The following ZNF131 variants were observed in gnomAD, a reference collection of about 807,000 sequenced individuals.
ZNF131 encodes zinc finger and BTB domain containing 35, also known as zinc finger protein 131.
In ZNF131, 7 loss-of-function variants were observed where a neutral mutation model predicts 60.0. That is an observed-to-expected ratio of 0.12 (90% CI 0.07 to 0.22). The LOEUF (loss-of-function observed/expected upper bound fraction) is 0.22. Among genes scored for constraint, ZNF131 ranks in the 10% least tolerant of loss-of-function variants. ZNF131 has a pLI of 1.00. For synonymous variants in ZNF131, 257 were observed against 253.2 expected, an observed-to-expected ratio of 1.01 and a Z score of -0.14; for missense variants, 493 against 740.9, an observed-to-expected ratio of 0.67 and a Z score of 3.88.
intron 5 of ZNF131, among the ~76,000 whole-genome samples, chr5:43,171,487 A>C (rs765885750): frequency 2.0e-5 from 3 of 152,128 alleles, no homozygotes; most frequent in Non-Finnish European, 4.4e-5. Flanking sequence ...AGTCTCACTA[A>C]CATGGTGAAA....
chr5:43,140,532 T>C (rs1746682980), intron 4 of ZNF131, among the ~76,000 whole-genome samples: 1 of 152,212 alleles, frequency 6.6e-6, no homozygotes, highest in Admixed American at 6.5e-5. Context: ...CTCTGAGTAC[T>C]CTAAGTATGA....
At chr5:43,129,432 G>C (rs893476675) in intron 3 of ZNF131, among the ~76,000 whole-genome samples, 1 of 151,866 alleles carries the variant, frequency 6.6e-6, no homozygotes, top group Non-Finnish European at 1.5e-5. Context: ...CAGGGAGCTA[G>C]GTCCACAATT....
In ZNF131 at chr5:43,173,511, G is replaced by A. The variant is rs1404919086; in HGVS notation, c.1185+63G>A. ...AGTCTTGTGTTTGCAGTCATCAAAA[G>A]CAAAGGGAAACAGAGTCTCAAGCAA... On this transcript the variant is annotated intron_variant, in intron 6 of 6. Transcript: ENST00000682664. The A allele has an allele frequency of 1.9e-6, 3 of 1,554,130 alleles. No homozygotes were observed. The Admixed American group carries it at 5.3e-5, about 28-fold the overall frequency.
chr5:43,138,399 A>G (rs1403807741), intron 3 of ZNF131, among the ~76,000 whole-genome samples: 1 of 152,202 alleles, frequency 6.6e-6, no homozygotes, highest in Non-Finnish European at 1.5e-5. Flanking sequence ...CACGCCTGTA[A>G]TCCCAGCACT....
At chr5:43,152,246 G>T (rs1424637851) in intron 4 of ZNF131, among the ~76,000 whole-genome samples, 1 of 151,802 alleles carries the variant, frequency 6.6e-6, no homozygotes. Flanking sequence ...CAAGTGATCC[G>T]CCTGCTTCAG....
intron 4 of ZNF131, among the ~76,000 whole-genome samples, chr5:43,147,479 G>A (rs1210159449): frequency 4.0e-5 from 6 of 151,532 alleles, no homozygotes; most frequent in African/African-American, 1.2e-4. Flanking sequence ...GTGCAGTGGC[G>A]TGATCTCGGC....
intron 4 of ZNF131, 127 bp downstream of exon 4, chr5:43,139,436 G>T: frequency 9.3e-7 from 1 of 1,080,950 alleles, no homozygotes; most frequent in Non-Finnish European, 1.2e-6. Flanking sequence ...GAATATTTAA[G>T]GATCTATTAA....
chr5:43,151,301 C>A (rs1216596844), intron 4 of ZNF131, among the ~76,000 whole-genome samples: 1 of 152,206 alleles, frequency 6.6e-6, no homozygotes, highest in East Asian at 1.9e-4. Context: ...TTCTAGGAAG[C>A]ATCCCTTTGA....
chr5:43,145,875 CAAGTT>C (rs1747514692), intron 4 of ZNF131, among the ~76,000 whole-genome samples: 1 of 152,110 alleles, frequency 6.6e-6, no homozygotes, highest in Non-Finnish European at 1.5e-5. Flanking sequence ...CGATACCAGA[CAAGTT>C]GAGTTTGTCA....
intron 4 of ZNF131, among the ~76,000 whole-genome samples, chr5:43,160,961 A>G (rs1749619021): frequency 6.6e-6 from 1 of 152,132 alleles, no homozygotes; most frequent in East Asian, 1.9e-4. Context: ...GATTACAGGC[A>G]TGAGCCACTG....
chr5:43,142,417 C>T (rs1746967832), intron 4 of ZNF131, among the ~76,000 whole-genome samples: 1 of 150,630 alleles, frequency 6.6e-6, no homozygotes, highest in South Asian at 2.1e-4. Flanking sequence ...CAATTCTCTG[C>T]CTCAGCCTCC....
At chr5:43,151,516 C>T (rs1748310100) in intron 4 of ZNF131, among the ~76,000 whole-genome samples, 1 of 152,126 alleles carries the variant, frequency 6.6e-6, no homozygotes. Flanking sequence ...TTCGCTGCAA[C>T]CTCTGCCTTC....
At chr5:43,148,854 A>G (rs1228621518) in intron 4 of ZNF131, among the ~76,000 whole-genome samples, 3 of 152,220 alleles carry the variant, frequency 2.0e-5, no homozygotes, top group African/African-American at 4.8e-5. Context: ...AAACACATCT[A>G]TCACTCTCTA....
intron 4 of ZNF131, among the ~76,000 whole-genome samples, chr5:43,142,112 C>T (rs887721441): frequency 9.2e-5 from 14 of 151,516 alleles, no homozygotes; most frequent in South Asian, 2.1e-4. Context: ...AAGGCCGAGG[C>T]GGGTGGATCA....
rs1465814120 is a variant in ZNF131 at position 43,174,959 on chromosome 5, C to T, written c.1698C>T (p.His566=). 31 of 1,613,944 alleles carry T rather than the reference C, an allele frequency of 1.9e-5. No individual in the cohort carries two copies. Among genetic ancestry groups the T allele is most frequent in the Non-Finnish European group, 2.5e-5 (29 of 1,180,046 alleles). ...AACTTCTAGAAGCAGATTTGGACCA[C>T]GTGACCCCAGAAATCATGAACCAAG... The part of the protein sequence containing the change: ...QTELLEADLD[H]VTPEIMNQEE... The change falls in exon 7 of 7, where the codon CAC becomes CAT. Residue 566 remains histidine, a synonymous_variant. Transcript: ENST00000682664.
chr5:43,134,339 A>C (rs1403552769), intron 3 of ZNF131, among the ~76,000 whole-genome samples: 2 of 152,082 alleles, frequency 1.3e-5, no homozygotes, highest in Non-Finnish European at 2.9e-5. Flanking sequence ...CTCAGTAAAA[A>C]CTCTTAAACA....
chr5:43,162,943 G>GCCTTTTTTTTTTT (rs1561439608), intron 5 of ZNF131, among the ~76,000 whole-genome samples: 1 of 66,688 alleles, frequency 1.5e-5, no homozygotes. Context: ...TCCCTGACAT[G>GCCTTTTTTTTTTT]TTTATACTTC....
chr5:43,141,630 C>T (rs558437847), intron 4 of ZNF131, among the ~76,000 whole-genome samples: 2 of 151,942 alleles, frequency 1.3e-5, no homozygotes, highest in African/African-American at 2.4e-5. Flanking sequence ...TTAGCTGGCA[C>T]TGTGGCGTGC....
intron 3 of ZNF131, among the ~76,000 whole-genome samples, chr5:43,131,333 C>G (rs181623039): frequency 6.6e-6 from 1 of 151,172 alleles, no homozygotes; most frequent in Non-Finnish European, 1.5e-5. Context: ...CCACCACACC[C>G]GGCTAATTTT....
Sources: allele counts gnomAD v4.1 joint callset (sites outside exome capture counted in the v4.1 genomes callset), GRCh38; gene constraint gnomAD v4.1.1; transcripts MANE v1.5; gene names NCBI Gene and HGNC (gene_info 2026-07-23, HGNC 2026-07-21).